Variants in TMEFF2 observed in about 807,000 individuals in gnomAD.
The protein encoded by TMEFF2 is tomoregulin-2.
In TMEFF2, 28 loss-of-function variants were observed where a neutral mutation model predicts 53.8. That is an observed-to-expected ratio of 0.52 (90% CI 0.39 to 0.71). The LOEUF (loss-of-function observed/expected upper bound fraction) is 0.71. Ranked by LOEUF, TMEFF2 falls within the 30% of genes least tolerant of loss-of-function variation. The pLI, the probability that TMEFF2 is intolerant of heterozygous loss-of-function variation, is 0.00. For missense variants in TMEFF2, 353 were observed against 455.2 expected (o/e 0.78, Z 2.04); for synonymous variants, 162 against 166.3 (o/e 0.97, Z 0.20).
At chr2:192,075,308 T>TAAATATATATATATATAAATATAA (rs1331065027) in intron 4 of TMEFF2, among the ~76,000 whole-genome samples, 2,981 of 67,856 alleles carry the variant, frequency 0.044, 264 homozygotes, top group East Asian at 0.13. Context: ...TATATATATA[T>TAAATATATATATATATAAATATAA]ATATATATAT....
intron 5 of TMEFF2, among the ~76,000 whole-genome samples, chr2:192,041,584 C>T (rs1161825999): frequency 1.3e-5 from 2 of 152,238 alleles, no homozygotes; most frequent in East Asian, 3.9e-4. Context: ...CATAAAGTTA[C>T]CATATGACCT....
intron 5 of TMEFF2, among the ~76,000 whole-genome samples, chr2:192,006,467 A>T (rs2105844665): frequency 6.6e-6 from 1 of 152,320 alleles, no homozygotes; most frequent in East Asian, 1.9e-4. Flanking sequence ...ATAATGTCTA[A>T]TTATAATAAA....
At chr2:192,184,213 C>T in intron 3 of TMEFF2, 141 bp downstream of exon 3, 1 of 1,105,972 alleles carries the variant, frequency 9.0e-7, no homozygotes, top group Non-Finnish European at 1.3e-6. Flanking sequence ...ATAAGAATAA[C>T]AAATGTTTTG....
chr2:192,190,381 T>C (rs984292975), intron 2 of TMEFF2, among the ~76,000 whole-genome samples: 1 of 152,138 alleles, frequency 6.6e-6, no homozygotes, highest in Non-Finnish European at 1.5e-5. Context: ...ATTCACAAAA[T>C]TCTCTGGGAC....
intron 4 of TMEFF2, among the ~76,000 whole-genome samples, chr2:192,174,700 G>C (rs191565936): frequency 1.3e-5 from 2 of 151,782 alleles, no homozygotes; most frequent in East Asian, 3.9e-4. Context: ...AATTTCAGAC[G>C]TGTCATGCTT....
In TMEFF2 at chr2:192,139,352, C is replaced by T. The variant is rs1369609270; in HGVS notation, c.439+40316G>A. 2.6e-5 allele frequency among the ~76,000 whole-genome samples: 4 copies of T among 152,258 alleles called. No homozygotes were observed. The East Asian group carries it at 7.7e-4, about 29-fold the overall frequency. On this transcript the variant is annotated intron_variant, in intron 4 of 9. Transcript: ENST00000272771. ...AAAATGGTGGTTTGCTTTTATTTCT[C>T]TCCACTGGGAAAATTATTTTCACAT...
At chr2:191,986,878 AAG>A (rs1491045853) in intron 7 of TMEFF2, among the ~76,000 whole-genome samples, 1 of 151,020 alleles carries the variant, frequency 6.6e-6, no homozygotes, top group Non-Finnish European at 1.5e-5. Flanking sequence ...AAAAAAAAAA[AAG>A]TGTGTTTGAA....
intron 4 of TMEFF2, among the ~76,000 whole-genome samples, chr2:192,110,158 A>C (rs1689241565): frequency 6.6e-6 from 1 of 152,154 alleles, no homozygotes; most frequent in Admixed American, 6.6e-5. Context: ...CCAGAGAGCA[A>C]TACAAGCTGA....
chr2:192,184,606 T>C, intron 2 of TMEFF2, 123 bp from the exon 3 acceptor site: 1 of 1,272,428 alleles, frequency 7.9e-7, no homozygotes, highest in Non-Finnish European at 1.1e-6. Flanking sequence ...ATTCTAATTG[T>C]GTCCAATAAG....
At chr2:192,115,572 G>A (rs1452602097) in intron 4 of TMEFF2, among the ~76,000 whole-genome samples, 1 of 151,916 alleles carries the variant, frequency 6.6e-6, no homozygotes, top group Non-Finnish European at 1.5e-5. Context: ...GAAAATATTT[G>A]CCAGCCACGT....
chr2:192,054,848 A>T (rs1185106596), intron 5 of TMEFF2, among the ~76,000 whole-genome samples: 1 of 152,216 alleles, frequency 6.6e-6, no homozygotes, highest in Non-Finnish European at 1.5e-5. Flanking sequence ...TTAGAGTAAA[A>T]TAATAATGGA....
At chr2:192,125,231 T>C (rs1231335805) in intron 4 of TMEFF2, among the ~76,000 whole-genome samples, 1 of 152,208 alleles carries the variant, frequency 6.6e-6, no homozygotes, top group East Asian at 1.9e-4. Flanking sequence ...TCTAATCGAA[T>C]ATTTTAAACT....
At chr2:192,012,631 T>C (rs537104213) in intron 5 of TMEFF2, among the ~76,000 whole-genome samples, 1 of 152,356 alleles carries the variant, frequency 6.6e-6, no homozygotes, top group South Asian at 2.1e-4. Context: ...TGTTCTCTAA[T>C]TTAGGATTTT....
chr2:192,188,853 A>G (rs551325729), intron 2 of TMEFF2, among the ~76,000 whole-genome samples: 2 of 149,612 alleles, frequency 1.3e-5, no homozygotes, highest in East Asian at 2.1e-4. Flanking sequence ...CTATCTATCT[A>G]TCTATCTATC....
chr2:192,070,925 G>A (rs1451583800), intron 4 of TMEFF2, among the ~76,000 whole-genome samples: 1 of 151,698 alleles, frequency 6.6e-6, no homozygotes, highest in Non-Finnish European at 1.5e-5. Flanking sequence ...TGGTTGACTG[G>A]GTCACATTAT....
At position 191,950,686 on chromosome 2, in the gene TMEFF2, G is replaced by A. The variant is rs375015253; in HGVS notation, c.1029-279C>T. On this transcript the variant is annotated intron_variant, in intron 9 of 9. Coordinates refer to ENST00000272771, the MANE Select transcript of TMEFF2 (RefSeq NM_016192.4). ...GCTTACTCATTAAGGCACAAAGAAT[G>A]ACTCAGCACAATGCAATCAAGCAAG... Among the ~76,000 whole-genome samples the A allele has an allele frequency of 3.9e-5, 6 of 152,220 alleles. No individual in the cohort carries two copies. The South Asian group carries it at 6.2e-4, about 16-fold the overall frequency.
intron 3 of TMEFF2, among the ~76,000 whole-genome samples, chr2:192,183,885 T>G (rs192585197): frequency 6.6e-6 from 1 of 152,244 alleles, no homozygotes; most frequent in African/African-American, 2.4e-5. Context: ...ATCTACTAAA[T>G]AGTAAGAAGA....
intron 5 of TMEFF2, among the ~76,000 whole-genome samples, chr2:192,031,155 CT>C (rs1687124916): frequency 2.0e-5 from 3 of 152,224 alleles, no homozygotes; most frequent in African/African-American, 7.2e-5. Context: ...TCATGACCTA[CT>C]TCCTTAACAC....
At position 191,999,105 on chromosome 2, in the gene TMEFF2, G is replaced by C; in HGVS notation, c.640C>G (p.Gln214Glu). 1.2e-6 allele frequency: 2 copies of C among 1,611,498 alleles called. No individual in the cohort carries two copies. Among genetic ancestry groups the C allele is most frequent in the Non-Finnish European group, 1.7e-6 (2 of 1,178,162 alleles). Residue 214 changes from glutamine (Q) to glutamate (E), a missense_variant, in exon 6 of 10, where the codon CAG becomes GAG. Transcript: ENST00000272771. ...NACQIKEASC[Q>E]KQEKIEVMSL... ...ATGACTTCAATTTTCTCCTGTTTCT[G>C]ACACGATGCTTCTTTGATTTGGCAT... is the stretch of plus-strand genomic sequence containing the variant.
Sources: allele counts gnomAD v4.1 joint callset (sites outside exome capture counted in the v4.1 genomes callset), GRCh38; gene constraint gnomAD v4.1.1; transcripts MANE v1.5; gene names NCBI Gene and HGNC (gene_info 2026-07-23, HGNC 2026-07-21).